EYS: variants seen among roughly 807,000 people sequenced by gnomAD.
The protein encoded by EYS is protein eyes shut homolog.
Under a neutral mutation model 282.1 loss-of-function variants are expected in EYS, and 250 were observed. The observed-to-expected ratio is 0.89, with a 90% CI of 0.80 to 0.98. The LOEUF (loss-of-function observed/expected upper bound fraction) is 0.98, where lower values mean the gene tolerates loss of function less well. Among genes scored for constraint, EYS ranks in the 50% least tolerant of loss-of-function variants. The pLI is 0.00. For synonymous variants in EYS, 1,355 were observed against 1,282.9 expected (o/e 1.06, Z -1.20); for missense variants, 4,016 against 3,709.0 (o/e 1.08, Z -2.15).
chr6:65,073,354 C>T (rs997939438), intron 12 of EYS, among the ~76,000 whole-genome samples: 1 of 151,684 alleles, frequency 6.6e-6, no homozygotes, highest in East Asian at 1.9e-4. Context: ...GATCACAGAC[C>T]TATGATCATG....
At chr6:63,874,285 G>A (rs941188066) in intron 35 of EYS, among the ~76,000 whole-genome samples, 1 of 152,126 alleles carries the variant, frequency 6.6e-6, no homozygotes, top group Non-Finnish European at 1.5e-5. Context: ...TGCCAGATTT[G>A]TCAAAGATCA....
chr6:64,462,575 T>G (rs1775782619), intron 26 of EYS, among the ~76,000 whole-genome samples: 1 of 152,146 alleles, frequency 6.6e-6, no homozygotes, highest in Non-Finnish European at 1.5e-5. Flanking sequence ...CGCCACTTCC[T>G]GAGGCTTTTG....
intron 2 of EYS, among the ~76,000 whole-genome samples, chr6:65,522,693 T>C (rs1206171285): frequency 6.6e-6 from 1 of 152,248 alleles, no homozygotes; most frequent in Non-Finnish European, 1.5e-5. Flanking sequence ...ATATTATGTA[T>C]AGTTTAATCT....
At chr6:64,042,955 T>A (rs1480185820) in intron 33 of EYS, among the ~76,000 whole-genome samples, 2 of 152,174 alleles carry the variant, frequency 1.3e-5, no homozygotes, top group Admixed American at 6.5e-5. Context: ...TGCTTGGGTT[T>A]GAATTCTAGT....
chr6:63,853,531 T>A (rs761410268), intron 36 of EYS, among the ~76,000 whole-genome samples: 32 of 152,156 alleles, frequency 2.1e-4, no homozygotes, highest in Non-Finnish European at 2.1e-4. Context: ...ATAGGAAGAA[T>A]CAATGTCGTG....
chr6:63,847,264 T>C (rs1772123837), intron 36 of EYS, among the ~76,000 whole-genome samples: 5 of 152,310 alleles, frequency 3.3e-5, no homozygotes, highest in Admixed American at 2.6e-4. Flanking sequence ...ACACTCAACA[T>C]TGTGGGAAAA....
chr6:64,798,697 T>C (rs563997923), intron 22 of EYS, among the ~76,000 whole-genome samples: 45 of 148,980 alleles, frequency 3.0e-4, no homozygotes, highest in African/African-American at 1.1e-3. Context: ...CCAGTCCAAG[T>C]GGAGGAGATC....
intron 8 of EYS, among the ~76,000 whole-genome samples, chr6:65,359,677 A>G (rs1764625110): frequency 6.6e-6 from 1 of 152,020 alleles, no homozygotes; most frequent in Admixed American, 6.6e-5. Flanking sequence ...ATACAGAAAA[A>G]TGAAAAGAAA....
chr6:64,761,858 T>G (rs1031672510), intron 22 of EYS, among the ~76,000 whole-genome samples: 1 of 152,182 alleles, frequency 6.6e-6, no homozygotes, highest in Admixed American at 6.5e-5. Context: ...CCATGTATAA[T>G]ATGATTTATA....
intron 2 of EYS, among the ~76,000 whole-genome samples, chr6:65,579,331 GAAGAA>G (rs1440207189): frequency 6.6e-6 from 1 of 152,074 alleles, no homozygotes; most frequent in Non-Finnish European, 1.5e-5. Flanking sequence ...TAATTTTAGT[GAAGAA>G]AAGGGGGAAT....
chr6:65,352,784 T>TAAA, intron 9 of EYS, among the ~76,000 whole-genome samples: 1 of 152,090 alleles, frequency 6.6e-6, no homozygotes, highest in African/African-American at 2.4e-5. Context: ...TTTCTATTCC[T>TAAA]TTTAGAAGAG....
At chr6:64,967,468 C>A (rs769194314) in intron 14 of EYS, among the ~76,000 whole-genome samples, 17 of 151,946 alleles carry the variant, frequency 1.1e-4, no homozygotes, top group Non-Finnish European at 2.2e-4. Context: ...GGAATTAGAG[C>A]AACCACACCT....
At chr6:64,099,180 A>G (rs1772739216) in intron 31 of EYS, among the ~76,000 whole-genome samples, 2 of 152,180 alleles carry the variant, frequency 1.3e-5, no homozygotes, top group African/African-American at 4.8e-5. Context: ...ATAGTAATTC[A>G]TATTTTATGC....
intron 31 of EYS, among the ~76,000 whole-genome samples, chr6:64,170,622 C>G (rs535799986): frequency 6.7e-6 from 1 of 150,334 alleles, no homozygotes; most frequent in African/African-American, 2.5e-5. Flanking sequence ...TATAGCAGCA[C>G]CAGTAATTGA....
intron 21 of EYS, among the ~76,000 whole-genome samples, chr6:64,820,516 C>A (rs778567840): frequency 2.0e-5 from 3 of 152,048 alleles, no homozygotes; most frequent in South Asian, 2.1e-4. Context: ...TATTACATTT[C>A]CCTTTCCACA....
chr6:64,987,192 G>A (rs1432401709), intron 14 of EYS, among the ~76,000 whole-genome samples: 1 of 151,486 alleles, frequency 6.6e-6, no homozygotes, highest in Non-Finnish European at 1.5e-5. Context: ...CCTATCACCT[G>A]TTAGCAGATG....
At chr6:64,676,351 T>G (rs7745672) in intron 22 of EYS, among the ~76,000 whole-genome samples, 53,500 of 145,336 alleles carry the variant, frequency 0.37, 10,392 homozygotes, top group East Asian at 0.61. Flanking sequence ...TATATATATA[T>G]AGAGAGAGAG....
intron 29 of EYS, among the ~76,000 whole-genome samples, chr6:64,316,944 A>T (rs1769992873): frequency 6.6e-6 from 1 of 152,186 alleles, no homozygotes; most frequent in Admixed American, 6.6e-5. Flanking sequence ...GACAAACCTG[A>T]TAAAAACAAG....
chr6:63,748,493 GGTCTCATAGAATGA>G (rs1238335097), intron 41 of EYS, among the ~76,000 whole-genome samples: 1 of 152,050 alleles, frequency 6.6e-6, no homozygotes, highest in African/African-American at 2.4e-5. Flanking sequence ...GGATAATGCT[GGTCTCATAGAATGA>G]GTTAAGGAGG....
Sources: gnomAD v4.1 joint callset for allele counts (sites outside exome capture counted in the v4.1 genomes callset) on GRCh38, gnomAD v4.1.1 for gene constraint, MANE v1.5 for transcripts, NCBI Gene and HGNC (gene_info 2026-07-23, HGNC 2026-07-21) for gene names.